Variants in MEX3C observed in about 807,000 individuals in gnomAD.
MEX3C encodes the protein RNA-binding E3 ubiquitin-protein ligase MEX3C.
In MEX3C, 15 loss-of-function variants were observed where a neutral mutation model predicts 35.5. The observed-to-expected ratio is 0.42, with a 90% CI of 0.28 to 0.65. The LOEUF (loss-of-function observed/expected upper bound fraction) is 0.65, where lower values mean the gene tolerates loss of function less well. Among genes scored for constraint, MEX3C ranks in the 30% least tolerant of loss-of-function variants. MEX3C has a pLI of 0.20. For missense variants in MEX3C, 711 were observed against 842.8 expected (o/e 0.84, Z 1.94); for synonymous variants, 390 against 352.8 (o/e 1.11, Z -1.18).
At chr18:51,181,227 CCAAAAA>C (rs1912422255) in intron 1 of MEX3C, among the ~76,000 whole-genome samples, 1 of 151,936 alleles carries the variant, frequency 6.6e-6, no homozygotes. Context: ...GCACAAGTCA[CCAAAAA>C]CAAAGTAAAA....
chr18:51,197,029 G>C lies in MEX3C; in HGVS notation c.292C>G (p.Pro98Ala), dbSNP rs1331312845. Residue 98 changes from proline to alanine, a missense_variant, in exon 1 of 2, where the codon CCC (proline) becomes GCC (alanine). Pro to Ala is a conservative substitution (Grantham distance 27). This residue lies in a region of MEX3C where 354 missense variants were observed against 311.6 expected (regional missense o/e 1.14). Transcript: ENST00000406189. ...SPEERAPPGR[P>A]GAPEAAELEL... is the part of the protein sequence containing the mutation. Reference sequence around the variant, plus strand: ...AGCTCGGCCGCCTCCGGGGCCCCGGGCCGGCCGGGCGGAGCCCGCTCCTCT... The same window carrying C: ...AGCTCGGCCGCCTCCGGGGCCCCGGCCCGGCCGGGCGGAGCCCGCTCCTCT... 27 of 1,517,608 alleles carry C rather than the reference G, an allele frequency of 1.8e-5. No homozygotes were observed. Among genetic ancestry groups the C allele is most frequent in the Non-Finnish European group, 1.8e-5 (21 of 1,138,476 alleles). 94.0% of individuals were successfully genotyped at this position (1,517,608 alleles called of 1,614,324 possible).
chr18:51,188,993 A>C (rs4939657), intron 1 of MEX3C, among the ~76,000 whole-genome samples: 72,553 of 151,984 alleles, frequency 0.48, 17,672 homozygotes, highest in Non-Finnish European at 0.53. Flanking sequence ...GGCACGTTGA[A>C]GTCTCAAACA....
Position 51,190,897 on chromosome 18 carries a change from T to C in MEX3C, c.754+5670A>G, listed in dbSNP as rs573476928. Among the ~76,000 whole-genome samples the C allele has an allele frequency of 8.5e-5, 13 of 152,296 alleles. No homozygotes were observed. In the South Asian group the frequency reaches 2.7e-3, roughly 32 times the overall value. On this transcript the variant is annotated intron_variant, in intron 1 of 1. Coordinates refer to ENST00000406189, the MANE Select transcript of MEX3C (RefSeq NM_016626.5). The stretch of plus-strand genomic sequence containing the variant: ...ATGTTAAAAGTAAATCCACAAATTA[T>C]GGCATATAAGCTACTTGGGAAGCAT...
rs1026092097 is a variant in MEX3C, at chr18:51,197,122, C to T, written c.199G>A (p.Ala67Thr). The part of the protein sequence containing the change: ...LDDPSPAEPG[A>T]PALRAPAAAA... ...GCTGCCGGGGCCCGAAGCGCCGGGG[C>T]GCCGGGCTCCGCCGGGCTGGGGTCG... Residue 67 changes from alanine to threonine, a missense_variant, in exon 1 of 2, where the codon GCC (alanine) becomes ACC (threonine). Ala to Thr is a moderately conservative substitution (Grantham distance 58). Transcript: ENST00000406189. 6.7e-5 allele frequency: 73 copies of T among 1,093,654 alleles called. No homozygotes were observed. Among genetic ancestry groups the T allele is most frequent in the Middle Eastern group, 8.1e-4 (2 of 2,470 alleles). The allele number at this position is 1,093,654 out of a possible 1,614,324, so 67.7% of individuals were successfully genotyped here. A position where few individuals can be genotyped will look rare whatever the true frequency, so the allele number is the denominator to read the frequency against.
chr18:51,196,943 C>G lies in MEX3C; in HGVS notation c.378G>C (p.Glu126Asp). 1.9e-6 allele frequency: 3 copies of G among 1,544,500 alleles called. No homozygotes were observed. Among genetic ancestry groups the G allele is most frequent in the Non-Finnish European group, 2.6e-6 (3 of 1,145,928 alleles). Residue 126 changes from glutamate to aspartate, a missense_variant, in exon 1 of 2, where the codon GAG becomes GAC. Coordinates refer to ENST00000406189, the MANE Select transcript of MEX3C (RefSeq NM_016626.5). Reference sequence around the variant, plus strand: ...CCTCTGCTTCCTCCAGCTCCTCCTCCTCCAGCAGGTCTCCGTCCAGCTCCG... The same window carrying G: ...CCTCTGCTTCCTCCAGCTCCTCCTCGTCCAGCAGGTCTCCGTCCAGCTCCG... The part of the protein sequence containing the change: ...EEAELDGDLL[E>D]EEELEEAEEE...
intron 1 of MEX3C, among the ~76,000 whole-genome samples, chr18:51,181,625 C>G (rs1912434123): frequency 6.6e-6 from 1 of 152,202 alleles, no homozygotes; most frequent in African/African-American, 2.4e-5. Flanking sequence ...TCTTCTTGTA[C>G]AATTGATCCT....
At chr18:51,187,042 T>C (rs1912556323) in intron 1 of MEX3C, among the ~76,000 whole-genome samples, 1 of 152,152 alleles carries the variant, frequency 6.6e-6, no homozygotes, top group Non-Finnish European at 1.5e-5. Flanking sequence ...TCTTCTTACC[T>C]TCAAGAAAAA....
chr18:51,176,301 T>A lies in MEX3C; in HGVS notation c.*50A>T. On this transcript the variant is annotated 3_prime_UTR_variant, in exon 2 of 2. Coordinates refer to ENST00000406189, the MANE Select transcript of MEX3C (RefSeq NM_016626.5). The stretch of plus-strand genomic sequence containing the variant: ...TTACTGGGGGGTACCATTATACCCA[T>A]GCCTTTACGAGTCCATATAGAGATA... 1.4e-6 allele frequency: 2 copies of A among 1,477,948 alleles called. No homozygotes were observed. The highest frequency in any genetic ancestry group is 4.9e-5 in the East Asian group (2 of 40,842). The allele number at this position is 1,477,948 out of a possible 1,614,324, so 91.6% of individuals were successfully genotyped here. A position where few individuals can be genotyped will look rare whatever the true frequency, so the allele number is the denominator to read the frequency against.
chr18:51,193,014 C>T (rs995052775), intron 1 of MEX3C: 9 of 152,224 alleles, frequency 5.9e-5, no homozygotes, highest in East Asian at 3.9e-4. Flanking sequence ...TGGTCACAGA[C>T]GTATAAACCC....
At chr18:51,179,718 C>T (rs185910264) in intron 1 of MEX3C, among the ~76,000 whole-genome samples, 6 of 152,318 alleles carry the variant, frequency 3.9e-5, no homozygotes, top group African/African-American at 7.2e-5. Flanking sequence ...TCCACATCTA[C>T]GTATCATTTA....
At position 51,197,029 on chromosome 18, in the gene MEX3C, G is replaced by T; in HGVS notation, c.292C>A (p.Pro98Thr). The T allele has an allele frequency of 6.6e-7, 1 of 1,517,714 alleles. No individual in the cohort carries two copies. 94.0% of individuals were successfully genotyped at this position (1,517,714 alleles called of 1,614,324 possible). The change falls in exon 1 of 2, where the codon CCC (proline) becomes ACC (threonine). Residue 98 changes from proline (P) to threonine (T), a missense_variant. Transcript: ENST00000406189. ...AGCTCGGCCGCCTCCGGGGCCCCGG[G>T]CCGGCCGGGCGGAGCCCGCTCCTCT... ...SPEERAPPGR[P>T]GAPEAAELEL... is the part of the protein sequence containing the mutation.
rs1912334215 is a variant in MEX3C, at chr18:51,177,649, G to C, written c.755-73C>G. 6.8e-7 allele frequency: 1 copy of C among 1,462,430 alleles called. No homozygotes were observed. The allele number at this position is 1,462,430 out of a possible 1,614,324, so 90.6% of individuals were successfully genotyped here. A position where few individuals can be genotyped will look rare whatever the true frequency, so the allele number is the denominator to read the frequency against. On this transcript the variant is annotated intron_variant, in intron 1 of 1. Coordinates refer to ENST00000406189, the MANE Select transcript of MEX3C (RefSeq NM_016626.5). The surrounding 1 kb of genome is among the most constrained non-coding windows in gnomAD (Gnocchi z 4.2). ...TATATATAAAGACAAATCACAGAATGCACCTTTTAAGCTAAATATCTGGTT... is the reference window on the plus strand; with the variant it reads ...TATATATAAAGACAAATCACAGAATCCACCTTTTAAGCTAAATATCTGGTT...
chr18:51,196,540 G>A (rs1248340069), intron 1 of MEX3C, 27 bp downstream of exon 1: 2 of 1,548,760 alleles, frequency 1.3e-6, no homozygotes, highest in East Asian at 2.4e-5. Context: ...GCCATGCCCA[G>A]CTGGACCTCC....
intron 1 of MEX3C, among the ~76,000 whole-genome samples, chr18:51,182,734 C>T (rs4940059): frequency 0.33 from 50,250 of 151,926 alleles, 8,743 homozygotes; most frequent in African/African-American, 0.43. Context: ...GGTCCTCTGC[C>T]GCTGGGAAAG....
intron 1 of MEX3C, among the ~76,000 whole-genome samples, chr18:51,192,427 C>T (rs537805950): frequency 1.1e-4 from 17 of 152,170 alleles, no homozygotes; most frequent in Non-Finnish European, 2.2e-4. Context: ...ATTTTTAAAG[C>T]TAGTGTCTAT....
At chr18:51,185,695 T>TA (rs1186059094) in intron 1 of MEX3C, among the ~76,000 whole-genome samples, 1 of 152,058 alleles carries the variant, frequency 6.6e-6, no homozygotes. Context: ...GGGCAGCGAA[T>TA]AGACATAAGG....
chr18:51,197,011 C>G lies in MEX3C; in HGVS notation c.310G>C (p.Ala104Pro). Residue 104 changes from alanine to proline, a missense_variant, in exon 1 of 2, where the codon GCC (alanine) becomes CCC (proline). Physicochemically the swap from Ala to Pro is conservative, Grantham distance 27 (BLOSUM62 -1). This residue lies in a region of MEX3C where 354 missense variants were observed against 311.6 expected (regional missense o/e 1.14). Transcript: ENST00000406189. ...PPGRPGAPEA[A>P]ELELEEDEEE... is the part of the protein sequence containing the mutation. ...TCGTCCTCTTCCAGCTCCAGCTCGG[C>G]CGCCTCCGGGGCCCCGGGCCGGCCG... 3 of 1,526,696 alleles carry G rather than the reference C, an allele frequency of 2.0e-6. No homozygotes were observed. The highest frequency in any genetic ancestry group is 2.6e-6 in the Non-Finnish European group (3 of 1,141,074). The allele number at this position is 1,526,696 out of a possible 1,614,324, so 94.6% of individuals were successfully genotyped here.
chr18:51,180,346 T>C (rs1360121567), intron 1 of MEX3C, among the ~76,000 whole-genome samples: 1 of 152,056 alleles, frequency 6.6e-6, no homozygotes, highest in East Asian at 1.9e-4. Flanking sequence ...AGAAGACAAA[T>C]GGTTTGAGCA....
rs1246789620 is a variant in MEX3C at position 51,177,496 on chromosome 18, C to G, written c.835G>C (p.Val279Leu). The stretch of plus-strand genomic sequence containing the variant: ...GCAACATCTTCTTTCCTTCCAGTGA[C>G]AACAAAAATGGGCTCTTCACCACGA... ...PVRGEEPIFV[V>L]TGRKEDVAMA... The change falls in exon 2 of 2, where the codon GTC becomes CTC. Residue 279 changes from valine (V) to leucine (L), a missense_variant. Physicochemically the swap from Val to Leu is conservative, Grantham distance 32 (BLOSUM62 1). This residue lies in a region of MEX3C where 83 missense variants were observed against 179.1 expected (regional missense o/e 0.46). Coordinates refer to ENST00000406189, the MANE Select transcript of MEX3C (RefSeq NM_016626.5). This position sits in a 1 kb window ranked among gnomAD's most constrained non-coding sequence, Gnocchi z 4.2. 1.2e-6 allele frequency: 2 copies of G among 1,613,952 alleles called. No individual in the cohort carries two copies. The highest frequency in any genetic ancestry group is 1.7e-6 in the Non-Finnish European group (2 of 1,179,876).
Sources: gnomAD v4.1 joint callset for allele counts (sites outside exome capture counted in the v4.1 genomes callset) on GRCh38, gnomAD v4.1.1 for gene constraint, gnomAD v4.1.1 regional missense constraint, Gnocchi (gnomAD v3.1) non-coding constraint, MANE v1.5 for transcripts, NCBI Gene and HGNC (gene_info 2026-07-23, HGNC 2026-07-21) for gene names.